Variants in FUCA1 observed in about 807,000 individuals in gnomAD.
FUCA1 encodes the protein alpha-L-fucosidase 1.
A neutral mutation model predicts 56.8 loss-of-function variants in FUCA1; 52 were observed. The observed-to-expected ratio is 0.92, with a 90% CI of 0.73 to 1.15. The LOEUF is 1.15. FUCA1 is among the 50% of genes most tolerant of loss of function. The pLI is 0.00. For synonymous variants in FUCA1, 230 were observed against 226.6 expected, an observed-to-expected ratio of 1.02 and a Z score of -0.14; for missense variants, 568 against 592.6, an observed-to-expected ratio of 0.96 and a Z score of 0.43.
chr1:23,860,583 C>CAA (rs532619184), intron 3 of FUCA1, among the ~76,000 whole-genome samples: 49 of 50,174 alleles, frequency 9.8e-4, no homozygotes, highest in African/African-American at 3.0e-3. Flanking sequence ...AACTCCGTCT[C>CAA]AAAAAAAAAA....
chr1:23,847,474 CAT>C (rs764866079), intron 6 of FUCA1, among the ~76,000 whole-genome samples: 3 of 151,962 alleles, frequency 2.0e-5, no homozygotes, highest in Non-Finnish European at 1.5e-5. Context: ...TCCCCAAATT[CAT>C]ATGTCGATGG....
At chr1:23,865,778 G>T (rs758128244) in intron 1 of FUCA1, among the ~76,000 whole-genome samples, 153 bp from the exon 2 acceptor site, 1 of 152,204 alleles carries the variant, frequency 6.6e-6, no homozygotes, top group Non-Finnish European at 1.5e-5. Flanking sequence ...CCAGGAAGCT[G>T]CTGCAGTCAC....
chr1:23,847,460 T>C (rs115304733), intron 6 of FUCA1, among the ~76,000 whole-genome samples: 1 of 152,260 alleles, frequency 6.6e-6, no homozygotes, highest in African/African-American at 2.4e-5. Context: ...TGATGGAAAC[T>C]TAATCCCCAA....
Position 23,867,925 on chromosome 1 carries a change from G to A in FUCA1, c.362C>T (p.Ala121Val). 1 of 1,555,826 alleles carries A rather than the reference G, an allele frequency of 6.4e-7. No individual in the cohort carries two copies. The highest frequency in any genetic ancestry group is 8.7e-7 in the Non-Finnish European group (1 of 1,150,374). The change falls in exon 1 of 8, where the codon GCC (alanine) becomes GTC (valine). Residue 121 changes from alanine (A) to valine (V), a missense_variant. Coordinates refer to ENST00000374479, the MANE Select transcript of FUCA1 (RefSeq NM_000147.5). The surrounding 1 kb of genome is among the most constrained non-coding windows in gnomAD (Gnocchi z 4.9). ...GGCGCCCGCGGCCTGGAAGAGGTCG[G>A]CCCACTCCTCCGGGTGGAAGAAGCG... ...TARFFHPEEWADLFQAAGAKY... is the reference protein window; with the variant it reads ...TARFFHPEEWVDLFQAAGAKY...
In FUCA1 at chr1:23,868,204, A is replaced by G. The variant is rs1639666137; in HGVS notation, c.83T>C (p.Val28Ala). 1.3e-6 allele frequency: 2 copies of G among 1,595,732 alleles called. No individual in the cohort carries two copies. The highest frequency in any genetic ancestry group is 3.5e-5 in the Admixed American group (2 of 57,258). ...LLLFLGAAES[V>A]RRAQPPRRYT... ...GCGGCGCGGAGGCTGGGCCCGACGC[A>G]CCGACTCGGCCGCTCCGAGGAAGAG... Residue 28 changes from valine (V) to alanine (A), a missense_variant, in exon 1 of 8, where the codon GTG (valine) becomes GCG (alanine). Coordinates refer to ENST00000374479, the MANE Select transcript of FUCA1 (RefSeq NM_000147.5).
In FUCA1 at chr1:23,854,377, C is replaced by T. The variant is rs201499886; in HGVS notation, c.952G>A (p.Glu318Lys). ...GCTCTTACCGAAATGATTTCAGATTCTTCTGTAACATCAGACAATGCCATG... is the reference window on the plus strand; with the variant it reads ...GCTCTTACCGAAATGATTTCAGATTTTTCTGTAACATCAGACAATGCCATG... ...RDMALSDVTE[E>K]SEIISELVQT... is the part of the protein sequence containing the mutation. Residue 318 changes from glutamate (E) to lysine (K), a missense_variant, in exon 5 of 8, where the codon GAA becomes AAA. Coordinates refer to ENST00000374479, the MANE Select transcript of FUCA1 (RefSeq NM_000147.5). The T allele has an allele frequency of 1.9e-6, 3 of 1,613,716 alleles. No individual in the cohort carries two copies. In the East Asian group the frequency reaches 6.7e-5, roughly 36 times the overall value.
rs1313462226 is a variant in FUCA1 at position 23,867,302 on chromosome 1, G to A, written c.389+596C>T. On this transcript the variant is annotated intron_variant, in intron 1 of 7. Coordinates refer to ENST00000374479, the MANE Select transcript of FUCA1 (RefSeq NM_000147.5). The surrounding 1 kb of genome is among the most constrained non-coding windows in gnomAD (Gnocchi z 4.9). ...TGTTCTCTGAACCAGCCACCCCCAAGTTCCAACAGTTCTCAGAGAGAGTCA... is the reference window on the plus strand; with the variant it reads ...TGTTCTCTGAACCAGCCACCCCCAAATTCCAACAGTTCTCAGAGAGAGTCA... Among the ~76,000 whole-genome samples the A allele has an allele frequency of 6.6e-6, 1 of 152,084 alleles. No individual in the cohort carries two copies. The highest frequency in any genetic ancestry group is 1.5e-5 in the Non-Finnish European group (1 of 68,018).
intron 2 of FUCA1, 100 bp downstream of exon 2, chr1:23,865,391 C>T (rs1338227546): frequency 2.7e-6 from 4 of 1,502,926 alleles, no homozygotes; most frequent in Middle Eastern, 1.7e-4. Context: ...AGGCTACTTG[C>T]TATATGCAAA....
chr1:23,851,328 C>T (rs994947859), intron 5 of FUCA1, among the ~76,000 whole-genome samples: 2 of 152,026 alleles, frequency 1.3e-5, no homozygotes, highest in African/African-American at 4.8e-5. Context: ...CGCACCACTG[C>T]ACTCTAGCCT....
Position 23,863,269 on chromosome 1 carries a change from T to C in FUCA1, c.527A>G (p.Asn176Ser), listed in dbSNP as rs1367690231. The C allele has an allele frequency of 1.2e-6, 2 of 1,612,718 alleles. No homozygotes were observed. Among genetic ancestry groups the C allele is most frequent in the African/African-American group, 2.7e-5 (2 of 74,902 alleles). ...GELGTALRKR[N>S]IRYGLYHSLL... is the part of the protein sequence containing the mutation. Reference sequence around the variant, plus strand: ...TGAGTGGTATAGTCCATAGCGGATGTTCCTTAAACAGAAAAACAGAACAGC... The same window carrying C: ...TGAGTGGTATAGTCCATAGCGGATGCTCCTTAAACAGAAAAACAGAACAGC... The change falls in exon 3 of 8, where the codon AAC becomes AGC. Residue 176 changes from asparagine (N) to serine (S), a missense_variant and splice_region_variant. Asn to Ser is a conservative substitution (Grantham distance 46). Coordinates refer to ENST00000374479, the MANE Select transcript of FUCA1 (RefSeq NM_000147.5).
Position 23,865,536 on chromosome 1 carries a change from G to C in FUCA1, c.479C>G (p.Pro160Arg). ...SWNWNSKDVG[P>R]HRDLVGELGT... is the part of the protein sequence containing the mutation. The stretch of plus-strand genomic sequence containing the variant: ...CAATTCACCAACCAAATCCCGATGA[G>C]GCCCCACGTCTTTGGAGTTCCAGTT... The change falls in exon 2 of 8, where the codon CCT becomes CGT. Residue 160 changes from proline to arginine, a missense_variant. Transcript: ENST00000374479. The C allele has an allele frequency of 6.2e-7, 1 of 1,614,166 alleles. No homozygotes were observed. The highest frequency in any genetic ancestry group is 8.5e-7 in the Non-Finnish European group (1 of 1,180,042).
Position 23,845,838 on chromosome 1 carries a change from A to T in FUCA1, c.1278T>A (p.Ile426=), listed in dbSNP as rs1475716263. 6.2e-7 allele frequency: 1 copy of T among 1,614,162 alleles called. No homozygotes were observed. Among genetic ancestry groups the T allele is most frequent in the Middle Eastern group, 1.6e-4 (1 of 6,062 alleles). Residue 426 remains isoleucine (I), a synonymous_variant, in exon 8 of 8, where the codon ATT becomes ATA. Transcript: ENST00000374479. ...CTGTGGACCACTTCAGATCTCCTTG[A>T]ATTCCCAGCATTGTTATCTGCAGAA... The part of the protein sequence containing the change: ...TSTTKITMLG[I]QGDLKWSTDP...
intron 4 of FUCA1, among the ~76,000 whole-genome samples, chr1:23,855,400 G>A (rs1459616589): frequency 1.3e-5 from 2 of 152,220 alleles, no homozygotes; most frequent in Non-Finnish European, 2.9e-5. Context: ...GGGAGGCTGA[G>A]GCAGGAGAAT....
At chr1:23,849,183 C>T (rs945008674) in intron 5 of FUCA1, among the ~76,000 whole-genome samples, 8 of 152,098 alleles carry the variant, frequency 5.3e-5, no homozygotes, top group South Asian at 4.1e-4. Context: ...CAGGGTTTCA[C>T]CACGTTGGCC....
At chr1:23,866,592 T>C (rs1639628850) in intron 1 of FUCA1, among the ~76,000 whole-genome samples, 2 of 152,230 alleles carry the variant, frequency 1.3e-5, no homozygotes, top group South Asian at 4.1e-4. Flanking sequence ...AGCACATTCC[T>C]CTCTGTAGTG....
At chr1:23,848,033 A>C (rs1639177495) in intron 6 of FUCA1, among the ~76,000 whole-genome samples, 1 of 151,876 alleles carries the variant, frequency 6.6e-6, no homozygotes, top group African/African-American at 2.4e-5. Flanking sequence ...AATAATAATA[A>C]AATAAAATAA....
intron 4 of FUCA1, among the ~76,000 whole-genome samples, chr1:23,854,945 A>T (rs1639362139): frequency 6.6e-6 from 1 of 152,174 alleles, no homozygotes; most frequent in African/African-American, 2.4e-5. Context: ...TTTTTCTATA[A>T]GAGGAGAAAT....
At chr1:23,853,143 T>A (rs1198765258) in intron 5 of FUCA1, among the ~76,000 whole-genome samples, 1 of 134,252 alleles carries the variant, frequency 7.4e-6, no homozygotes, top group African/African-American at 2.9e-5. Context: ...GTCTGGGATG[T>A]GAGGAGCGCC....
intron 4 of FUCA1, among the ~76,000 whole-genome samples, chr1:23,857,662 A>G (rs1639421742): frequency 6.8e-6 from 1 of 146,126 alleles, no homozygotes; most frequent in South Asian, 2.2e-4. Flanking sequence ...ACGCCCGACT[A>G]ATTTTTGTAT....
Sources: gnomAD v4.1 joint callset for allele counts (sites outside exome capture counted in the v4.1 genomes callset) on GRCh38, gnomAD v4.1.1 for gene constraint, Gnocchi (gnomAD v3.1) non-coding constraint, MANE v1.5 for transcripts, NCBI Gene and HGNC (gene_info 2026-07-23, HGNC 2026-07-21) for gene names.